Variants in CNTNAP2 observed in about 807,000 individuals in gnomAD.
CNTNAP2 encodes contactin-associated protein-like 2.
Under a neutral mutation model 155.2 loss-of-function variants are expected in CNTNAP2, and 98 were observed. That is an observed-to-expected ratio of 0.63 (90% confidence interval 0.54 to 0.75). The LOEUF (loss-of-function observed/expected upper bound fraction) is 0.75. CNTNAP2 is among the 30% of genes least tolerant of loss of function. The pLI, the probability that CNTNAP2 is intolerant of heterozygous loss-of-function variation, is 0.00. For missense variants in CNTNAP2, 1,727 were observed against 1,688.1 expected, an observed-to-expected ratio of 1.02 and a Z score of -0.40; for synonymous variants, 651 against 631.2, an observed-to-expected ratio of 1.03 and a Z score of -0.47.
At chr7:146,734,306 G>C (rs933214758) in intron 1 of CNTNAP2, among the ~76,000 whole-genome samples, 2 of 152,024 alleles carry the variant, frequency 1.3e-5, no homozygotes, top group Non-Finnish European at 2.9e-5. Flanking sequence ...TAAATATATA[G>C]AGAGTTAAAA....
intron 1 of CNTNAP2, among the ~76,000 whole-genome samples, chr7:146,397,307 A>T (rs993734625): frequency 3.3e-5 from 5 of 152,154 alleles, no homozygotes; most frequent in African/African-American, 1.2e-4. Context: ...CGGAGACCAC[A>T]TTTACCACAT....
intron 13 of CNTNAP2, among the ~76,000 whole-genome samples, chr7:147,741,642 C>CA (rs1796958869): frequency 6.6e-6 from 1 of 152,124 alleles, no homozygotes; most frequent in African/African-American, 2.4e-5. Flanking sequence ...AGTATACTAC[C>CA]ACTGGAGTGT....
At chr7:147,944,122 C>T (rs1232166803) in intron 14 of CNTNAP2, among the ~76,000 whole-genome samples, 1 of 152,172 alleles carries the variant, frequency 6.6e-6, no homozygotes, top group Non-Finnish European at 1.5e-5. Flanking sequence ...TTTCTAGATG[C>T]TAATCGATCT....
chr7:146,721,889 A>ATATATATATATATT, intron 1 of CNTNAP2, among the ~76,000 whole-genome samples: 1 of 69,738 alleles, frequency 1.4e-5, no homozygotes, highest in African/African-American at 1.9e-4. Flanking sequence ...ATATATATAT[A>ATATATATATATATT]TTTTTTTTTT....
At chr7:146,448,460 G>T (rs1309060058) in intron 1 of CNTNAP2, among the ~76,000 whole-genome samples, 2 of 150,794 alleles carry the variant, frequency 1.3e-5, no homozygotes, top group African/African-American at 4.9e-5. Flanking sequence ...GTTTATAGAA[G>T]ATTGCACTTA....
At chr7:146,396,728 T>TATG (rs1795633576) in intron 1 of CNTNAP2, among the ~76,000 whole-genome samples, 2 of 151,158 alleles carry the variant, frequency 1.3e-5, no homozygotes, top group East Asian at 3.9e-4. Flanking sequence ...TGTGTATATA[T>TATG]ATGTATATAA....
At chr7:146,939,199 A>G (rs1796993704) in intron 3 of CNTNAP2, among the ~76,000 whole-genome samples, 1 of 152,156 alleles carries the variant, frequency 6.6e-6, no homozygotes, top group African/African-American at 2.4e-5. Context: ...AGTAGCTCTA[A>G]GCAAGCGGCA....
chr7:147,195,960 T>C (rs548117718), intron 8 of CNTNAP2, among the ~76,000 whole-genome samples: 2 of 152,244 alleles, frequency 1.3e-5, no homozygotes, highest in African/African-American at 4.8e-5. Context: ...TAGTGAGAGA[T>C]AGATTCTTTA....
chr7:147,551,668 T>C (rs921635294), intron 11 of CNTNAP2, among the ~76,000 whole-genome samples: 1 of 152,210 alleles, frequency 6.6e-6, no homozygotes, highest in Non-Finnish European at 1.5e-5. Flanking sequence ...AATCAGATGC[T>C]AATATCTTGT....
At chr7:147,236,777 T>C (rs1803815038) in intron 8 of CNTNAP2, among the ~76,000 whole-genome samples, 1 of 152,076 alleles carries the variant, frequency 6.6e-6, no homozygotes, top group Admixed American at 6.5e-5. Flanking sequence ...CCTATCCCCT[T>C]ATCTCCCACA....
In CNTNAP2 at chr7:146,475,013, G is replaced by GCGCGCA. The variant is rs71525954; in HGVS notation, c.98-299257_98-299256insGCGCAC. ...CACGAGCGCGCACGCGCGCGCGCGCGCACACACACACACACACACACACAC... is the reference window on the plus strand; with the variant it reads ...CACGAGCGCGCACGCGCGCGCGCGCGCGCGCACACACACACACACACACACACACAC... On this transcript the variant is annotated intron_variant, in intron 1 of 23. Transcript: ENST00000361727. 3.4e-3 allele frequency among the ~76,000 whole-genome samples: 490 copies of GCGCGCA among 144,374 alleles called. 4 individuals are homozygous for GCGCGCA. Among genetic ancestry groups the GCGCGCA allele is most frequent in the African/African-American group, 0.012 (462 of 38,266 alleles). The allele number at this position is 144,374 out of a possible 152,430, so 94.7% of individuals were successfully genotyped here.
chr7:147,372,286 A>G (rs2116916674), intron 9 of CNTNAP2, among the ~76,000 whole-genome samples: 1 of 152,264 alleles, frequency 6.6e-6, no homozygotes, highest in South Asian at 2.1e-4. Flanking sequence ...GAGTAAAAAC[A>G]GCTTACCCTA....
chr7:147,532,292 A>G (rs904038190), intron 11 of CNTNAP2, among the ~76,000 whole-genome samples: 2 of 152,202 alleles, frequency 1.3e-5, no homozygotes, highest in African/African-American at 4.8e-5. Context: ...ACACATCTCT[A>G]GGGCAGGGGC....
intron 13 of CNTNAP2, among the ~76,000 whole-genome samples, chr7:147,819,582 T>C (rs1014973594): frequency 2.6e-5 from 4 of 152,234 alleles, no homozygotes; most frequent in Admixed American, 1.3e-4. Flanking sequence ...ATGCAGACTC[T>C]AAGCACACAG....
At chr7:147,253,384 T>TG (rs1491368761) in intron 8 of CNTNAP2, among the ~76,000 whole-genome samples, 1 of 73,456 alleles carries the variant, frequency 1.4e-5, no homozygotes, top group African/African-American at 6.4e-5. Context: ...AGGTTCTCTG[T>TG]TTTTTTTTTT....
intron 1 of CNTNAP2, among the ~76,000 whole-genome samples, chr7:146,338,103 A>G (rs1801310054): frequency 6.6e-6 from 1 of 152,178 alleles, no homozygotes; most frequent in Non-Finnish European, 1.5e-5. Context: ...AAATGGATAT[A>G]CAGATATATG....
intron 16 of CNTNAP2, among the ~76,000 whole-genome samples, chr7:148,124,577 C>G (rs374227317): frequency 6.6e-6 from 1 of 152,160 alleles, no homozygotes; most frequent in African/African-American, 2.4e-5. Context: ...CAGCATCCAC[C>G]TCCTAGTGAA....
chr7:146,343,386 A>G (rs985817802), intron 1 of CNTNAP2, among the ~76,000 whole-genome samples: 1 of 152,058 alleles, frequency 6.6e-6, no homozygotes, highest in African/African-American at 2.4e-5. Context: ...AGTCATCAGC[A>G]TAAGATTTAA....
At chr7:148,257,720 G>T (rs1796478403) in intron 20 of CNTNAP2, among the ~76,000 whole-genome samples, 1 of 152,154 alleles carries the variant, frequency 6.6e-6, no homozygotes, top group African/African-American at 2.4e-5. Flanking sequence ...AGTGTCTCTT[G>T]CATGAAAATT....
Sources: gnomAD v4.1 joint callset for allele counts (sites outside exome capture counted in the v4.1 genomes callset) on GRCh38, gnomAD v4.1.1 for gene constraint, MANE v1.5 for transcripts, NCBI Gene and HGNC (gene_info 2026-07-23, HGNC 2026-07-21) for gene names.